The following CERS3 variants were observed in gnomAD, a reference collection of about 807,000 sequenced individuals.
CERS3 encodes the protein LAG1 homolog, ceramide synthase 3.
Under a neutral mutation model 50.3 loss-of-function variants are expected in CERS3, and 33 were observed. That is an observed-to-expected ratio of 0.66 (90% CI 0.50 to 0.88). The LOEUF is 0.88. Among genes scored for constraint, CERS3 ranks in the 40% least tolerant of loss-of-function variants. The pLI is 0.00. For synonymous variants in CERS3, 176 were observed against 155.2 expected (o/e 1.13, Z -0.99); for missense variants, 470 against 460.3 (o/e 1.02, Z -0.19).
upstream of CERS3, among the ~76,000 whole-genome samples, chr15:100,530,799 C>A (rs11637310): frequency 0.98 from 149,773 of 152,340 alleles, 73,679 homozygotes; most frequent in Non-Finnish European, 1. Flanking sequence ...ATTGGGGAAC[C>A]AGGCTGGGAA....
intron 3 of CERS3, among the ~76,000 whole-genome samples, chr15:100,499,695 G>A (rs2035939017): frequency 6.6e-6 from 1 of 152,048 alleles, no homozygotes; most frequent in Non-Finnish European, 1.5e-5. Context: ...TGAAACATAG[G>A]GTTATATTTA....
chr15:100,427,622 C>T (rs1168114633), intron 11 of CERS3, among the ~76,000 whole-genome samples: 1 of 152,184 alleles, frequency 6.6e-6, no homozygotes. Context: ...CTCAGTTTAC[C>T]CTTGTGTGCT....
chr15:100,459,157 C>T (rs2034469982), intron 10 of CERS3, among the ~76,000 whole-genome samples: 1 of 152,218 alleles, frequency 6.6e-6, no homozygotes, highest in Non-Finnish European at 1.5e-5. Flanking sequence ...CCAACCCCTA[C>T]TATGTATCAC....
intron 11 of CERS3, among the ~76,000 whole-genome samples, chr15:100,431,274 G>A (rs915416521): frequency 6.6e-6 from 1 of 152,060 alleles, no homozygotes; most frequent in Non-Finnish European, 1.5e-5. Context: ...AGTCCAGAAA[G>A]GCAACATAAA....
intron 3 of CERS3, among the ~76,000 whole-genome samples, chr15:100,492,436 C>T (rs2035681273): frequency 6.6e-6 from 1 of 152,160 alleles, no homozygotes; most frequent in African/African-American, 2.4e-5. Context: ...CAGATTTACC[C>T]TTTTATTATT....
intron 1 of CERS3, among the ~76,000 whole-genome samples, chr15:100,534,582 A>G (rs1247865407): frequency 1.3e-5 from 2 of 151,578 alleles, no homozygotes; most frequent in African/African-American, 4.8e-5. Flanking sequence ...CTCCCATTCT[A>G]TTCAAAGTCA....
chr15:100,421,700 T>C (rs1357978399), intron 11 of CERS3, among the ~76,000 whole-genome samples: 2 of 149,860 alleles, frequency 1.3e-5, no homozygotes, highest in East Asian at 1.9e-4. Context: ...AAGGCTACAG[T>C]AACCAAAACA....
At chr15:100,483,926 G>A (rs1196453505) in intron 5 of CERS3, among the ~76,000 whole-genome samples, 2 of 150,776 alleles carry the variant, frequency 1.3e-5, no homozygotes, top group Middle Eastern at 3.4e-3. Context: ...GACTACAGGC[G>A]CCCGCCACCA....
rs185909467 is a variant in CERS3 at position 100,484,596 on chromosome 15, G to A, written c.361C>T (p.Arg121Trp). 90 of 1,614,018 alleles carry A rather than the reference G, an allele frequency of 5.6e-5. 1 individual carries two copies. In the South Asian group the frequency reaches 9.1e-4, roughly 16 times the overall value. The change falls in exon 5 of 12, where the codon CGG (arginine) becomes TGG (tryptophan). Residue 121 changes from arginine (R) to tryptophan (W), a missense_variant. By Grantham distance (101) the Arg-to-Trp change is moderately radical (BLOSUM62 -3). Coordinates refer to ENST00000679737, the MANE Select transcript of CERS3 (RefSeq NM_001378789.1). ...AGCCTGGAAGGCCTCTCTTGATTCC[G>A]CCGACTCCTAAACCATCTTTCCACC... ...RQVERWFRSR[R>W]NQERPSRLKK...
At chr15:100,532,551 C>T (rs1310438966), upstream of CERS3, among the ~76,000 whole-genome samples, 2 of 151,872 alleles carry the variant, frequency 1.3e-5, no homozygotes, top group African/African-American at 4.8e-5. Flanking sequence ...GGATTGCTTG[C>T]GTCCAAGAGT....
intron 3 of CERS3, among the ~76,000 whole-genome samples, chr15:100,498,743 T>C (rs1473986595): frequency 2.2e-4 from 34 of 152,208 alleles, no homozygotes; most frequent in Admixed American, 2.2e-3. Context: ...ATAAAAGGAA[T>C]GTATCCCTAG....
intron 1 of CERS3, among the ~76,000 whole-genome samples, chr15:100,539,458 G>A (rs777432717): frequency 1.3e-5 from 2 of 152,198 alleles, no homozygotes; most frequent in African/African-American, 2.4e-5. Flanking sequence ...GGCATGGCTG[G>A]GAAGGCCTCA....
At chr15:100,466,840 C>CTCTCTTTCTCTCTTTCTCTCTTTCTCT (rs1555528083) in intron 10 of CERS3, among the ~76,000 whole-genome samples, 1 of 28,262 alleles carries the variant, frequency 3.5e-5, no homozygotes, top group Non-Finnish European at 8.2e-5. Flanking sequence ...TCCCTCTCTC[C>CTCTCTTTCTCTCTTTCTCTCTTTCTCT]CTCTCTCTTT....
chr15:100,423,309 A>C (rs769234525), intron 11 of CERS3, among the ~76,000 whole-genome samples: 11 of 152,342 alleles, frequency 7.2e-5, no homozygotes, highest in Middle Eastern at 3.4e-3. Context: ...CCAAAAAGAC[A>C]TATGCACTCA....
At chr15:100,426,857 A>C (rs555973926) in intron 11 of CERS3, among the ~76,000 whole-genome samples, 1 of 152,288 alleles carries the variant, frequency 6.6e-6, no homozygotes, top group South Asian at 2.1e-4. Flanking sequence ...CCACCCACTC[A>C]GTTGCTGAAA....
intron 3 of CERS3, among the ~76,000 whole-genome samples, chr15:100,496,726 T>C (rs1567662306): frequency 6.6e-6 from 1 of 152,192 alleles, no homozygotes. Context: ...TTCCTTCAGT[T>C]CTGACAAAGG....
chr15:100,468,041 C>G (rs2034842014), intron 10 of CERS3, among the ~76,000 whole-genome samples: 1 of 151,950 alleles, frequency 6.6e-6, no homozygotes, highest in Non-Finnish European at 1.5e-5. Context: ...TAAAATTTCA[C>G]AAACACACTT....
At chr15:100,437,367 G>A (rs2033466046) in intron 11 of CERS3, among the ~76,000 whole-genome samples, 1 of 152,208 alleles carries the variant, frequency 6.6e-6, no homozygotes. Flanking sequence ...AATAGACTTA[G>A]AGGCTTCTTG....
chr15:100,497,556 G>A (rs892753653), intron 3 of CERS3, among the ~76,000 whole-genome samples: 2 of 151,068 alleles, frequency 1.3e-5, no homozygotes, highest in Non-Finnish European at 3.0e-5. Flanking sequence ...TGCTAGAAAT[G>A]AAGAAATTAG....
Sources: gnomAD v4.1 joint callset for allele counts (sites outside exome capture counted in the v4.1 genomes callset) on GRCh38, gnomAD v4.1.1 for gene constraint, MANE v1.5 for transcripts, NCBI Gene and HGNC (gene_info 2026-07-23, HGNC 2026-07-21) for gene names.